FABP12: variants seen among roughly 807,000 people sequenced by gnomAD.
FABP12 encodes the protein fatty acid binding protein 12.
FABP12 carries 19 observed loss-of-function variants against 13.7 expected under a neutral mutation model. The observed-to-expected ratio is 1.39, with a 90% CI of 0.97 to 2.04. The LOEUF (loss-of-function observed/expected upper bound fraction) is 2.04. FABP12 is among the 30% of genes most tolerant of loss of function. The pLI, the probability that FABP12 is intolerant of heterozygous loss-of-function variation, is 0.00. For synonymous variants in FABP12, 61 were observed against 57.0 expected (o/e 1.07, Z -0.32); for missense variants, 182 against 164.2 (o/e 1.11, Z -0.59).
chr8:81,556,867 G>A (rs1809625961), intron 1 of FABP12, among the ~76,000 whole-genome samples: 1 of 148,122 alleles, frequency 6.8e-6, no homozygotes, highest in Non-Finnish European at 1.5e-5. Context: ...TTTATGGAAG[G>A]GAAGTGTACA....
upstream of FABP12, among the ~76,000 whole-genome samples, chr8:81,537,459 G>A (rs192761000): frequency 2.6e-5 from 4 of 151,708 alleles, no homozygotes; most frequent in Admixed American, 1.3e-4. Flanking sequence ...TTTTCCATGC[G>A]GTTCTAATGC....
At chr8:81,526,595 T>C (rs1238265470) in intron 4 of FABP12, 2 of 157,492 alleles carry the variant, frequency 1.3e-5, no homozygotes, top group Non-Finnish European at 2.8e-5. Flanking sequence ...TATTAACTCA[T>C]TCATACACCA....
intron 3 of FABP12, among the ~76,000 whole-genome samples, chr8:81,527,757 A>C (rs1808945260): frequency 6.6e-6 from 1 of 152,150 alleles, no homozygotes; most frequent in Non-Finnish European, 1.5e-5. Flanking sequence ...ATAAGTGTGA[A>C]ACTCCAGCCT....
At chr8:81,564,459 A>C (rs1486430702) in intron 1 of FABP12, among the ~76,000 whole-genome samples, 4 of 152,140 alleles carry the variant, frequency 2.6e-5, no homozygotes, top group Non-Finnish European at 5.9e-5. Context: ...AGATAAACCA[A>C]CAAAAATAAC....
intron 1 of FABP12, among the ~76,000 whole-genome samples, chr8:81,548,363 A>C (rs1198697041): frequency 6.6e-6 from 1 of 152,192 alleles, no homozygotes; most frequent in Non-Finnish European, 1.5e-5. Context: ...TAAATAGAAC[A>C]CACTTAGAAA....
chr8:81,550,209 G>A (rs560795562), intron 1 of FABP12, among the ~76,000 whole-genome samples: 2 of 152,062 alleles, frequency 1.3e-5, no homozygotes. Context: ...CCAGCTACTG[G>A]GGATACAATA....
intron 1 of FABP12, among the ~76,000 whole-genome samples, chr8:81,545,948 G>T (rs1163926281): frequency 6.6e-6 from 1 of 152,114 alleles, no homozygotes; most frequent in African/African-American, 2.4e-5. Flanking sequence ...CCCTGGAGTT[G>T]TTCCTTTAGT....
exon 1 of FABP12, among the ~76,000 whole-genome samples, chr8:81,533,806 G>A (rs759200820): frequency 6.6e-6 from 1 of 152,214 alleles, no homozygotes; most frequent in African/African-American, 2.4e-5. Context: ...AGTTACCTTA[G>A]GACTTCTGGT....
intron 1 of FABP12, among the ~76,000 whole-genome samples, chr8:81,579,966 A>G (rs1487810102): frequency 6.6e-6 from 1 of 152,236 alleles, no homozygotes; most frequent in Non-Finnish European, 1.5e-5. Context: ...CTCTTCTGAG[A>G]CAAAACTGAG....
At chr8:81,568,071 C>G (rs956569959) in intron 1 of FABP12, among the ~76,000 whole-genome samples, 2 of 150,132 alleles carry the variant, frequency 1.3e-5, no homozygotes, top group South Asian at 2.1e-4. Context: ...TGCAGTGAGC[C>G]GAGATTGCGC....
In FABP12 at chr8:81,547,337, T is replaced by A. The variant is rs1009606920; in HGVS notation, c.-184-7594A>T. 1.9e-4 allele frequency among the ~76,000 whole-genome samples: 29 copies of A among 152,210 alleles called. 1 individual carries two copies. Among genetic ancestry groups the A allele is most frequent in the African/African-American group, 6.8e-4 (28 of 41,450 alleles). Reference sequence around the variant, plus strand: ...CTCCTCTCTTCATTTCCCTATGTAGTCCTAGCATTACACAATGACCTTTAA... The same window carrying A: ...CTCCTCTCTTCATTTCCCTATGTAGACCTAGCATTACACAATGACCTTTAA... On this transcript the variant is annotated intron_variant, in intron 1 of 5. Coordinates refer to the FABP12 transcript ENST00000692030.
upstream of FABP12, among the ~76,000 whole-genome samples, chr8:81,535,263 C>A (rs1809194445): frequency 1.3e-5 from 2 of 152,120 alleles, no homozygotes; most frequent in South Asian, 4.2e-4. Context: ...TGAGTAGCCC[C>A]AATTTCTGTC....
intron 1 of FABP12, among the ~76,000 whole-genome samples, chr8:81,546,970 T>A (rs59377511): frequency 0.016 from 2,438 of 152,308 alleles, 59 homozygotes; most frequent in African/African-American, 0.055. Context: ...CTCAAGCAGG[T>A]TCCTAAGAGT....
chr8:81,557,702 C>T (rs1038895590), intron 1 of FABP12, among the ~76,000 whole-genome samples: 6 of 152,144 alleles, frequency 3.9e-5, no homozygotes, highest in East Asian at 1.9e-4. Context: ...AACATGTTAA[C>T]GTTTTTTAAA....
At chr8:81,558,430 T>A (rs949413002) in intron 1 of FABP12, among the ~76,000 whole-genome samples, 1 of 152,074 alleles carries the variant, frequency 6.6e-6, no homozygotes, top group African/African-American at 2.4e-5. Context: ...AGGAGCCCCC[T>A]CCTCCATCTT....
chr8:81,579,044 A>C (rs1208631137), intron 1 of FABP12, among the ~76,000 whole-genome samples: 1 of 146,076 alleles, frequency 6.8e-6, no homozygotes, highest in African/African-American at 2.5e-5. Flanking sequence ...TAGCCAGGAT[A>C]GTCTCGATCT....
chr8:81,546,994 T>C (rs1809446192), intron 1 of FABP12, among the ~76,000 whole-genome samples: 1 of 152,212 alleles, frequency 6.6e-6, no homozygotes, highest in African/African-American at 2.4e-5. Context: ...TTGCAAAAAC[T>C]CACTTGTTCC....
At chr8:81,579,945 A>G (rs896829361) in intron 1 of FABP12, among the ~76,000 whole-genome samples, 2 of 152,232 alleles carry the variant, frequency 1.3e-5, no homozygotes, top group Non-Finnish European at 2.9e-5. Context: ...TTTACAAAGG[A>G]AAATTGAGTT....
rs145347226 is a variant in FABP12 at position 81,559,697 on chromosome 8, G to A, written c.-184-19954C>T. 4.6e-5 allele frequency among the ~76,000 whole-genome samples: 7 copies of A among 152,334 alleles called. No homozygotes were observed. The East Asian group carries it at 1.4e-3, about 29-fold the overall frequency. Reference sequence around the variant, plus strand: ...GCTAACTCTTTGCAGAAATTTCAGTGTCTGATGCTCTGTTCCTAAGAGTTC... The same window carrying A: ...GCTAACTCTTTGCAGAAATTTCAGTATCTGATGCTCTGTTCCTAAGAGTTC... On this transcript the variant is annotated intron_variant, in intron 1 of 5. Transcript: ENST00000692030.
Sources: gnomAD v4.1 joint callset for allele counts (sites outside exome capture counted in the v4.1 genomes callset) on GRCh38, gnomAD v4.1.1 for gene constraint, MANE v1.5 for transcripts, NCBI Gene and HGNC (gene_info 2026-07-23, HGNC 2026-07-21) for gene names.